The following FGF13 variants were observed in gnomAD, a reference collection of about 807,000 sequenced individuals.
FGF13 encodes fibroblast growth factor 13.
Under a neutral mutation model 19.5 loss-of-function variants are expected in FGF13, and 2 were observed. The ratio of observed to expected loss-of-function variants is 0.10; its 90% CI spans 0.04 to 0.32. The LOEUF is 0.32. Among genes scored for constraint, FGF13 ranks in the 10% least tolerant of loss-of-function variants. FGF13 has a pLI of 1.00. For missense variants in FGF13, 113 were observed against 192.7 expected (o/e 0.59, Z 2.45); for synonymous variants, 72 against 76.9 (o/e 0.94, Z 0.33).
intron 1 of FGF13, among the ~76,000 whole-genome samples, chrX:138,935,698 T>C (rs765692770): frequency 3.4e-4 from 38 of 111,515 alleles, no homozygotes; most frequent in Admixed American, 2.8e-3. Context: ...TTTTAACACA[T>C]GTGTAGATCT....
At chrX:138,667,098 T>C (rs1245079794) in intron 3 of FGF13, among the ~76,000 whole-genome samples, 3 of 108,048 alleles carry the variant, frequency 2.8e-5, no homozygotes, top group Non-Finnish European at 5.7e-5. Context: ...TGTGTATACA[T>C]ATATTATGCT....
Position 138,803,781 on chromosome X carries a change from T to A in FGF13, c.217+53731A>T, listed in dbSNP as rs138282511. ...TGTCCTTCATGACTAGCTGATAATG[T>A]TTTGGCCCAGAGTTCTGATGAGGCC... On this transcript the variant is annotated intron_variant, in intron 3 of 6. Transcript: ENST00000436198. Among the ~76,000 whole-genome samples the A allele has an allele frequency of 9.5e-3, 1,071 of 112,186 alleles. 13 individuals are homozygous for A. The highest frequency in any genetic ancestry group is 0.033 in the African/African-American group (1,006 of 30,868).
chrX:139,136,542 C>G (rs1489211041), intron 1 of FGF13, among the ~76,000 whole-genome samples: 2 of 111,650 alleles, frequency 1.8e-5, no homozygotes, highest in East Asian at 5.6e-4. Context: ...AATTGTTGCA[C>G]TCACAACTAT....
At chrX:138,984,377 C>T (rs1036529384) in intron 1 of FGF13, among the ~76,000 whole-genome samples, 6 of 42,225 alleles carry the variant, frequency 1.4e-4, no homozygotes, top group African/African-American at 3.0e-4. Flanking sequence ...CACTGCACTC[C>T]AGCCTCCAGC....
intron 1 of FGF13, among the ~76,000 whole-genome samples, chrX:138,998,653 C>T (rs2092055709): frequency 9.0e-6 from 1 of 111,628 alleles, no homozygotes; most frequent in African/African-American, 3.3e-5. Context: ...AATATATATG[C>T]ACCCAATACA....
intron 1 of FGF13, among the ~76,000 whole-genome samples, chrX:139,051,477 C>T (rs2092303114): frequency 8.9e-6 from 1 of 111,784 alleles, no homozygotes; most frequent in African/African-American, 3.3e-5. Context: ...GACAAAAGAA[C>T]TACTTGGGTC....
At chrX:138,931,021 C>G (rs1247640554) in intron 1 of FGF13, among the ~76,000 whole-genome samples, 1 of 112,642 alleles carries the variant, frequency 8.9e-6, no homozygotes, top group Admixed American at 9.4e-5. Context: ...CTTCTGAAGT[C>G]TATTTCTTAT....
In FGF13 at chrX:138,615,253, A is replaced by T. The variant is rs1277408836; in HGVS notation, c.*17597T>A. 1.8e-5 allele frequency: 2 copies of T among 112,132 alleles called. No homozygotes were observed. Among genetic ancestry groups the T allele is most frequent in the Non-Finnish European group, 3.8e-5 (2 of 53,230 alleles). 9.2% of individuals were successfully genotyped at this position (112,132 alleles called of 1,213,427 possible). On this transcript the variant is annotated 3_prime_UTR_variant, in exon 5 of 5. Coordinates refer to ENST00000315930, the MANE Select transcript of FGF13 (RefSeq NM_004114.5). ...TGAGTAATGTCTGTGGATTATACAGATGCCAATTTCTTGGTTTATATATGA... is the reference window on the plus strand; with the variant it reads ...TGAGTAATGTCTGTGGATTATACAGTTGCCAATTTCTTGGTTTATATATGA...
chrX:138,867,192 T>C (rs2091329597), intron 1 of FGF13, among the ~76,000 whole-genome samples: 1 of 110,902 alleles, frequency 9.0e-6, no homozygotes, highest in Non-Finnish European at 1.9e-5. Flanking sequence ...TTTGAGAGGC[T>C]GATGCAGGAG....
chrX:139,088,978 A>T (rs1473660930), intron 1 of FGF13, among the ~76,000 whole-genome samples: 1 of 112,533 alleles, frequency 8.9e-6, no homozygotes, highest in East Asian at 2.8e-4. Flanking sequence ...GGGTCTCACC[A>T]GACATTAAAT....
rs187839495 is a variant in FGF13, at chrX:139,202,041, A to G, written c.-113+1375T>C. On this transcript the variant is annotated intron_variant, in intron 1 of 2. Coordinates refer to the FGF13 transcript ENST00000421460. ...CAAATGTGGTGAGTCAACACAAGAA[A>G]ATGTTATGACACATGCCTAGTACAA... Among the ~76,000 whole-genome samples, 363 of 112,666 alleles carry G rather than the reference A, an allele frequency of 3.2e-3. 1 individual carries two copies. Among genetic ancestry groups the G allele is most frequent in the Admixed American group, 0.011 (115 of 10,690 alleles).
In FGF13 at chrX:139,114,061, G is replaced by T. The variant is rs2083622377; in HGVS notation, c.-113+89355C>A. 2.7e-5 allele frequency among the ~76,000 whole-genome samples: 3 copies of T among 112,025 alleles called. No individual in the cohort carries two copies. In the Admixed American group the frequency reaches 2.9e-4, roughly 11 times the overall value. ...TGAGCTACTCTGAGTAAAACAGAGA[G>T]CTCAGGTCTCCTTCTAAGGCCTCAG... is the stretch of plus-strand genomic sequence containing the variant. On this transcript the variant is annotated intron_variant, in intron 1 of 2. Coordinates refer to the FGF13 transcript ENST00000421460.
intron 1 of FGF13, among the ~76,000 whole-genome samples, chrX:138,965,744 G>C: frequency 9.0e-6 from 1 of 111,605 alleles, no homozygotes; most frequent in Admixed American, 9.5e-5. Context: ...CCAATCACAG[G>C]ATCCTTCCAT....
intron 1 of FGF13, among the ~76,000 whole-genome samples, chrX:139,085,455 G>A (rs1036127044): frequency 1.3e-4 from 15 of 111,857 alleles, no homozygotes; most frequent in African/African-American, 4.9e-4. Context: ...ATAAATATTA[G>A]CTATTAGCCA....
At chrX:139,169,673 T>C (rs1160494532) in intron 1 of FGF13, among the ~76,000 whole-genome samples, 2 of 110,929 alleles carry the variant, frequency 1.8e-5, no homozygotes, top group Non-Finnish European at 3.8e-5. Flanking sequence ...TCGGCCTGAT[T>C]GGACTACAAA....
chrX:138,857,630 T>C, exon 3 of FGF13: 2 of 1,208,928 alleles, frequency 1.7e-6, no homozygotes, highest in Non-Finnish European at 2.2e-6. Context: ...GGATGGAATC[T>C]TGTCGTAACA....
rs1023017666 is a variant in FGF13 at position 139,044,656 on chromosome X, T to G, written c.-113+158760A>C. Among the ~76,000 whole-genome samples the G allele has an allele frequency of 2.0e-4, 22 of 110,041 alleles. 1 individual carries two copies. Among genetic ancestry groups the G allele is most frequent in the African/African-American group, 7.0e-4 (21 of 30,122 alleles). On this transcript the variant is annotated intron_variant, in intron 1 of 2. Coordinates refer to the FGF13 transcript ENST00000421460. ...TCAAAATCTTAACTCATTCCAGCAT[T>G]AAAAAAAAGGGGGCTATGTGTCCTA...
At chrX:139,149,336 T>C (rs774077871) in intron 1 of FGF13, among the ~76,000 whole-genome samples, 2 of 112,287 alleles carry the variant, frequency 1.8e-5, no homozygotes, top group Non-Finnish European at 3.8e-5. Flanking sequence ...ATCAGAAATA[T>C]GGAATTGACA....
chrX:138,795,499 G>T (rs1392119064), intron 3 of FGF13, among the ~76,000 whole-genome samples: 1 of 111,918 alleles, frequency 8.9e-6, no homozygotes, highest in East Asian at 2.8e-4. Flanking sequence ...TGGGACAGGT[G>T]AGTTCAGGAA....
Sources: gnomAD v4.1 joint callset for allele counts (sites outside exome capture counted in the v4.1 genomes callset) on GRCh38, gnomAD v4.1.1 for gene constraint, MANE v1.5 for transcripts, NCBI Gene and HGNC (gene_info 2026-07-23, HGNC 2026-07-21) for gene names.